HMCN1: variants seen among roughly 807,000 people sequenced by gnomAD.
The protein encoded by HMCN1 is hemicentin-1.
HMCN1 carries 321 observed loss-of-function variants against 625.9 expected under a neutral mutation model. The ratio of observed to expected loss-of-function variants is 0.51; its 90% CI spans 0.47 to 0.56. The LOEUF (loss-of-function observed/expected upper bound fraction) is 0.56. Among genes scored for constraint, HMCN1 ranks in the 20% least tolerant of loss-of-function variants. HMCN1 has a pLI of 0.00. For synonymous variants in HMCN1, 2,425 were observed against 2,417.6 expected (o/e 1.00, Z -0.09); for missense variants, 6,588 against 6,887.3 (o/e 0.96, Z 1.54).
chr1:186,073,043 A>G (rs1466881646), intron 52 of HMCN1, among the ~76,000 whole-genome samples: 1 of 152,186 alleles, frequency 6.6e-6, no homozygotes, highest in Non-Finnish European at 1.5e-5. Context: ...CCAAGGTGGT[A>G]GCAGGAGGTG....
chr1:185,947,709 T>C (rs1015732136), intron 11 of HMCN1, among the ~76,000 whole-genome samples: 1 of 152,206 alleles, frequency 6.6e-6, no homozygotes, highest in Non-Finnish European at 1.5e-5. Context: ...TAGTTTTCAT[T>C]TTTTTCTCTT....
Position 186,039,750 on chromosome 1 carries a change from C to T in HMCN1, c.6051C>T (p.Ser2017=), listed in dbSNP as rs1656084450. Residue 2017 remains serine (S), a synonymous_variant, in exon 39 of 107, where the codon AGC becomes AGT. Transcript: ENST00000271588. ...QVHVAPSISG[S]NNMVAVVVNN... is the part of the protein sequence containing the mutation. ...CAGTGGCCCCATCAATTTCTGGCAGCAATAACATGGTGGCAGTGGTGGTTA... is the reference window on the plus strand; with the variant it reads ...CAGTGGCCCCATCAATTTCTGGCAGTAATAACATGGTGGCAGTGGTGGTTA... The T allele has an allele frequency of 6.2e-7, 1 of 1,613,442 alleles. No homozygotes were observed. Among genetic ancestry groups the T allele is most frequent in the Non-Finnish European group, 8.5e-7 (1 of 1,179,574 alleles).
At chr1:186,091,983 T>A (rs1051508586) in intron 64 of HMCN1, among the ~76,000 whole-genome samples, 2 of 152,088 alleles carry the variant, frequency 1.3e-5, no homozygotes, top group South Asian at 2.1e-4. Flanking sequence ...TTATTTTTGT[T>A]AAATCAGCTG....
At chr1:185,884,020 G>T (rs1159517059) in intron 4 of HMCN1, among the ~76,000 whole-genome samples, 1 of 151,136 alleles carries the variant, frequency 6.6e-6, no homozygotes, top group African/African-American at 2.4e-5. Flanking sequence ...CAGGGAGTGG[G>T]TTACTTGTAG....
intron 4 of HMCN1, among the ~76,000 whole-genome samples, chr1:185,899,088 G>A (rs1665657740): frequency 6.6e-6 from 1 of 152,102 alleles, no homozygotes; most frequent in Non-Finnish European, 1.5e-5. Context: ...GTTACAAATT[G>A]AGGGGGAATT....
chr1:186,015,023 T>G, intron 30 of HMCN1, 136 bp from the exon 31 acceptor site: 1 of 748,120 alleles, frequency 1.3e-6, no homozygotes, highest in Non-Finnish European at 2.2e-6. Context: ...AAACTCATTA[T>G]CAGGAGATAA....
Position 186,039,713 on chromosome 1 carries a change from A to G in HMCN1, c.6029-15A>G, listed in dbSNP as rs756437802. The G allele has an allele frequency of 2.9e-5, 46 of 1,612,658 alleles. No homozygotes were observed. In the South Asian group the frequency reaches 4.6e-4, roughly 16 times the overall value. ...TGTGATATTAACGTGTCTTACTTTC[A>G]TTTGTTTTTTTCAGTGGCCCCATCA... On this transcript the variant is annotated splice_polypyrimidine_tract_variant and intron_variant, in intron 38 of 106. Transcript: ENST00000271588.
At chr1:186,063,826 C>G (rs1235443605) in intron 48 of HMCN1, among the ~76,000 whole-genome samples, 2 of 152,176 alleles carry the variant, frequency 1.3e-5, no homozygotes, top group African/African-American at 4.8e-5. Flanking sequence ...GTTTCACCAT[C>G]TTTACCAGTA....
At chr1:185,800,754 T>C (rs575634091) in intron 1 of HMCN1, among the ~76,000 whole-genome samples, 2 of 152,246 alleles carry the variant, frequency 1.3e-5, no homozygotes, top group African/African-American at 4.8e-5. Flanking sequence ...ACTGTTATGC[T>C]AAAGAGAAAA....
chr1:185,990,452 T>A lies in HMCN1; in HGVS notation c.3377+9T>A. 1 of 1,613,110 alleles carries A rather than the reference T, an allele frequency of 6.2e-7. No individual in the cohort carries two copies. The highest frequency in any genetic ancestry group is 8.5e-7 in the Non-Finnish European group (1 of 1,179,162). On this transcript the variant is annotated intron_variant, in intron 22 of 106. Transcript: ENST00000271588. ...TCACCGTTCTCTCCAAGGTAGGAGATCTGGGATGAATTGCAACACATGAAA... is the reference window on the plus strand; with the variant it reads ...TCACCGTTCTCTCCAAGGTAGGAGAACTGGGATGAATTGCAACACATGAAA...
At chr1:186,009,561 G>A (rs766517948) in intron 30 of HMCN1, among the ~76,000 whole-genome samples, 1 of 152,050 alleles carries the variant, frequency 6.6e-6, no homozygotes, top group African/African-American at 2.4e-5. Context: ...TTGAGAGTGT[G>A]TTTCATACTA....
At chr1:186,005,283 A>G (rs188745067) in intron 29 of HMCN1, among the ~76,000 whole-genome samples, 1 of 139,394 alleles carries the variant, frequency 7.2e-6, no homozygotes, top group African/African-American at 3.0e-5. Flanking sequence ...AAATGTTTAT[A>G]AACAAATTTT....
intron 4 of HMCN1, among the ~76,000 whole-genome samples, chr1:185,895,703 G>A (rs898541444): frequency 5.3e-5 from 8 of 152,172 alleles, no homozygotes; most frequent in African/African-American, 1.7e-4. Flanking sequence ...CTTTTGTGAT[G>A]TGGAAACTCA....
intron 40 of HMCN1, among the ~76,000 whole-genome samples, chr1:186,041,527 A>G (rs1040920061): frequency 1.3e-5 from 2 of 152,192 alleles, no homozygotes; most frequent in Admixed American, 6.6e-5. Context: ...TGTAATCAGC[A>G]TATTTGTGAT....
chr1:185,735,629 G>T (rs1653507101), intron 1 of HMCN1, among the ~76,000 whole-genome samples: 2 of 152,224 alleles, frequency 1.3e-5, no homozygotes, highest in Non-Finnish European at 2.9e-5. Flanking sequence ...TAGGTTCACA[G>T]ATGGGTATAA....
rs373096519 is a variant in HMCN1 at position 185,948,490 on chromosome 1, G to A, written c.1829-14028G>A. Among the ~76,000 whole-genome samples, 25 of 151,034 alleles carry A rather than the reference G, an allele frequency of 1.7e-4. 1 individual carries two copies. The highest frequency in any genetic ancestry group is 6.6e-5 in the Admixed American group (1 of 15,110). ...TGGGCAGGAGTGGGGGTCGCAAGGT[G>A]CTCAGTGGGGGTGCTTTTTGAGCCA... On this transcript the variant is annotated intron_variant, in intron 11 of 106. Coordinates refer to ENST00000271588, the MANE Select transcript of HMCN1 (RefSeq NM_031935.3).
chr1:185,788,432 C>T (rs1485857747), intron 1 of HMCN1, among the ~76,000 whole-genome samples: 1 of 152,128 alleles, frequency 6.6e-6, no homozygotes, highest in Non-Finnish European at 1.5e-5. Context: ...ACATGTGGAA[C>T]TTGAAATGGA....
At chr1:186,187,065 C>T (rs1330721184) in intron 105 of HMCN1, among the ~76,000 whole-genome samples, 2 of 151,452 alleles carry the variant, frequency 1.3e-5, no homozygotes, top group South Asian at 2.1e-4. Context: ...TTCACAGATC[C>T]CCTGATGCCC....
In HMCN1 at chr1:185,933,696, G is replaced by A; in HGVS notation, c.1700G>A (p.Arg567Lys). The A allele has an allele frequency of 6.2e-7, 1 of 1,614,056 alleles. No homozygotes were observed. The highest frequency in any genetic ancestry group is 8.5e-7 in the Non-Finnish European group (1 of 1,179,958). The stretch of plus-strand genomic sequence containing the variant: ...GATGTCAGACTGGCAGAGCCAGCGA[G>A]AATTAGGACCTTGGCTAATCTGTCA... ...DRDVRLAEPARIRTLANLSLE... is the reference protein window; with the variant it reads ...DRDVRLAEPAKIRTLANLSLE... The change falls in exon 11 of 107, where the codon AGA (arginine) becomes AAA (lysine). Residue 567 changes from arginine (R) to lysine (K), a missense_variant. Physicochemically the swap from Arg to Lys is conservative, Grantham distance 26. Coordinates refer to ENST00000271588, the MANE Select transcript of HMCN1 (RefSeq NM_031935.3).
Sources: allele counts gnomAD v4.1 joint callset (sites outside exome capture counted in the v4.1 genomes callset), GRCh38; gene constraint gnomAD v4.1.1; transcripts MANE v1.5; gene names NCBI Gene and HGNC (gene_info 2026-07-23, HGNC 2026-07-21).